DPP6: variants seen among roughly 807,000 people sequenced by gnomAD.
DPP6 encodes the protein dipeptidyl peptidase like 6, also known as A-type potassium channel modulatory protein DPP6.
A neutral mutation model predicts 122.6 loss-of-function variants in DPP6; 69 were observed. The ratio of observed to expected loss-of-function variants is 0.56; its 90% CI spans 0.46 to 0.69. The LOEUF is 0.69. Among genes scored for constraint, DPP6 ranks in the 30% least tolerant of loss-of-function variants. DPP6 has a pLI of 0.00. For synonymous variants in DPP6, 418 were observed against 433.1 expected (o/e 0.97, Z 0.43); for missense variants, 928 against 1,116.9 (o/e 0.83, Z 2.41).
intron 8 of DPP6, among the ~76,000 whole-genome samples, chr7:154,743,986 G>C (rs1054804276): frequency 2.6e-5 from 4 of 152,154 alleles, no homozygotes; most frequent in Non-Finnish European, 2.9e-5. Context: ...CTGCTGTCCC[G>C]TCCTTATGTG....
At chr7:154,406,056 A>T (rs1314726326) in intron 1 of DPP6, among the ~76,000 whole-genome samples, 1 of 152,202 alleles carries the variant, frequency 6.6e-6, no homozygotes, top group Non-Finnish European at 1.5e-5. Context: ...AATAAATCTT[A>T]TATTAATGCT....
intron 21 of DPP6, among the ~76,000 whole-genome samples, chr7:154,881,392 T>C (rs1805377124): frequency 6.6e-6 from 1 of 152,250 alleles, no homozygotes; most frequent in African/African-American, 2.4e-5. Context: ...CGCTCCCATC[T>C]GGTGGCCCTT....
At chr7:154,198,946 C>T (rs1050025157) in intron 1 of DPP6, among the ~76,000 whole-genome samples, 3 of 152,062 alleles carry the variant, frequency 2.0e-5, no homozygotes, top group African/African-American at 7.2e-5. Context: ...AGCCCATGAA[C>T]ACAATCACAG....
chr7:154,751,677 G>A (rs1587024799), intron 8 of DPP6, among the ~76,000 whole-genome samples: 1 of 152,070 alleles, frequency 6.6e-6, no homozygotes, highest in African/African-American at 2.4e-5. Flanking sequence ...CCTAAGTGCT[G>A]CACCACTAAC....
At chr7:154,062,742 C>T (rs1346524214) in intron 1 of DPP6, among the ~76,000 whole-genome samples, 1 of 70,818 alleles carries the variant, frequency 1.4e-5, no homozygotes, top group Admixed American at 1.3e-4. Flanking sequence ...GGGGAGGCAC[C>T]CTCCGCGAGG....
intron 1 of DPP6, among the ~76,000 whole-genome samples, chr7:154,266,687 A>C (rs2150925537): frequency 6.6e-6 from 1 of 152,358 alleles, no homozygotes; most frequent in African/African-American, 2.4e-5. Flanking sequence ...TTATCACATA[A>C]GTTCATATAA....
the DPP6 span, among the ~76,000 whole-genome samples, chr7:153,855,294 T>G: frequency 1.3e-5 from 2 of 152,214 alleles, no homozygotes; most frequent in African/African-American, 4.8e-5. Context: ...TTTTTCAATA[T>G]TATTTTGTTT....
chr7:154,476,641 G>A (rs1270834906), intron 3 of DPP6, among the ~76,000 whole-genome samples: 4 of 152,216 alleles, frequency 2.6e-5, no homozygotes, highest in Non-Finnish European at 5.9e-5. Flanking sequence ...TTAAAGCGAT[G>A]GCTAGGAGCT....
chr7:154,567,176 C>G (rs904246802), intron 5 of DPP6, among the ~76,000 whole-genome samples: 1 of 152,122 alleles, frequency 6.6e-6, no homozygotes, highest in African/African-American at 2.4e-5. Flanking sequence ...GAACTTGTCT[C>G]TTCATAGACA....
chr7:153,930,188 A>G (rs780795340), intron 1 of DPP6, among the ~76,000 whole-genome samples: 1 of 152,226 alleles, frequency 6.6e-6, no homozygotes, highest in Non-Finnish European at 1.5e-5. Flanking sequence ...TCAGCCTTGA[A>G]TCAAGACACA....
At chr7:154,134,836 C>G (rs538038027) in intron 1 of DPP6, among the ~76,000 whole-genome samples, 2 of 152,136 alleles carry the variant, frequency 1.3e-5, no homozygotes, top group East Asian at 3.9e-4. Context: ...ATCCTGTGAT[C>G]ATATATTTCC....
chr7:154,504,171 A>G (rs1825482236), intron 3 of DPP6, among the ~76,000 whole-genome samples: 1 of 147,302 alleles, frequency 6.8e-6, no homozygotes, highest in African/African-American at 2.5e-5. Flanking sequence ...GTGGCTAAGG[A>G]TACACTTTTA....
chr7:154,287,607 G>A (rs1363080316), intron 1 of DPP6, among the ~76,000 whole-genome samples: 1 of 152,154 alleles, frequency 6.6e-6, no homozygotes, highest in Admixed American at 6.5e-5. Flanking sequence ...TGGGAGCTGC[G>A]AGCTGCAGAG....
At chr7:154,432,424 T>C (rs1818501678) in intron 1 of DPP6, among the ~76,000 whole-genome samples, 1 of 152,230 alleles carries the variant, frequency 6.6e-6, no homozygotes, top group African/African-American at 2.4e-5. Flanking sequence ...TGTTGCTTGA[T>C]ACATGTCTGA....
At chr7:154,199,127 G>A (rs1019979690) in intron 1 of DPP6, among the ~76,000 whole-genome samples, 1 of 151,868 alleles carries the variant, frequency 6.6e-6, no homozygotes, top group Non-Finnish European at 1.5e-5. Context: ...AAGTCCTCAC[G>A]TTCCCTTTTA....
intron 16 of DPP6, among the ~76,000 whole-genome samples, chr7:154,842,363 A>AT (rs888242962): frequency 6.6e-5 from 10 of 152,208 alleles, no homozygotes; most frequent in African/African-American, 1.9e-4. Context: ...GTCTTTATGA[A>AT]TTTTTTTTAT....
At chr7:154,207,837 C>A (rs1799528448) in intron 1 of DPP6, among the ~76,000 whole-genome samples, 1 of 152,022 alleles carries the variant, frequency 6.6e-6, no homozygotes, top group Non-Finnish European at 1.5e-5. Flanking sequence ...GGCCTGTAAT[C>A]CCAGCTACTC....
intron 3 of DPP6, among the ~76,000 whole-genome samples, chr7:154,522,588 C>G (rs1025994238): frequency 2.0e-5 from 3 of 152,160 alleles, no homozygotes; most frequent in Non-Finnish European, 4.4e-5. Flanking sequence ...AGAAATATTA[C>G]TAGAAAACTT....
At chr7:154,291,880 G>A (rs1805234553) in intron 1 of DPP6, among the ~76,000 whole-genome samples, 1 of 152,098 alleles carries the variant, frequency 6.6e-6, no homozygotes, top group Non-Finnish European at 1.5e-5. Flanking sequence ...GAGAAGAAAA[G>A]CATATTCCAT....
Sources: allele counts gnomAD v4.1 joint callset (sites outside exome capture counted in the v4.1 genomes callset), GRCh38; gene constraint gnomAD v4.1.1; transcripts MANE v1.5; gene names NCBI Gene and HGNC (gene_info 2026-07-23, HGNC 2026-07-21).